STX8: variants seen among roughly 807,000 people sequenced by gnomAD.
STX8 encodes syntaxin-8.
STX8 carries 23 observed loss-of-function variants against 37.5 expected under a neutral mutation model. The observed-to-expected ratio is 0.61, with a 90% confidence interval of 0.44 to 0.87. The LOEUF (loss-of-function observed/expected upper bound fraction) is 0.87. Ranked by LOEUF, STX8 falls within the 40% of genes least tolerant of loss-of-function variation. STX8 has a pLI of 0.00. For synonymous variants in STX8, 115 were observed against 99.1 expected (o/e 1.16, Z -0.95); for missense variants, 313 against 284.7 (o/e 1.10, Z -0.71).
At chr17:9,488,817 A>AGTGTGTGTGT (rs773052268) in intron 6 of STX8, among the ~76,000 whole-genome samples, 7 of 88,146 alleles carry the variant, frequency 7.9e-5, no homozygotes, top group East Asian at 4.6e-4. Context: ...AGAGAGAGAG[A>AGTGTGTGTGT]GAGAGTGTGT....
At chr17:9,353,633 C>A (rs1234218591) in intron 7 of STX8, among the ~76,000 whole-genome samples, 1 of 152,144 alleles carries the variant, frequency 6.6e-6, no homozygotes, top group Non-Finnish European at 1.5e-5. Flanking sequence ...CAAAGCAGAT[C>A]CAGAATTACT....
At chr17:9,513,739 C>T (rs1165375036) in intron 4 of STX8, among the ~76,000 whole-genome samples, 1 of 152,156 alleles carries the variant, frequency 6.6e-6, no homozygotes, top group East Asian at 1.9e-4. Context: ...TACTGCAGCA[C>T]TATTCACAGT....
In STX8 at chr17:9,506,418, C is replaced by T. The variant is rs922679055; in HGVS notation, c.324-1256G>A. ...TGGTGCTCACCCGCTCCCCCCCCCC[C>T]CCACCCACCTTTCTTAGGAAAGGAC... On this transcript the variant is annotated intron_variant, in intron 4 of 7. Transcript: ENST00000306357. Among the ~76,000 whole-genome samples the T allele has an allele frequency of 2.5e-4, 25 of 98,492 alleles. 5 individuals are homozygous for T. The highest frequency in any genetic ancestry group is 7.1e-4 in the African/African-American group (19 of 26,834). 64.6% of individuals were successfully genotyped at this position (98,492 alleles called of 152,430 possible). A position where few individuals can be genotyped will look rare whatever the true frequency, so the allele number is the denominator to read the frequency against.
chr17:9,356,636 G>C (rs748885998), intron 7 of STX8, among the ~76,000 whole-genome samples: 1 of 152,178 alleles, frequency 6.6e-6, no homozygotes, highest in Non-Finnish European at 1.5e-5. Flanking sequence ...GAGGGGTGAG[G>C]CTGTTCCTCT....
intron 6 of STX8, among the ~76,000 whole-genome samples, chr17:9,484,661 C>CAAA (rs61165957): frequency 0.023 from 2,991 of 131,508 alleles, 61 homozygotes; most frequent in African/African-American, 0.051. Flanking sequence ...ACTAAAAATA[C>CAAA]AAAAAAAAAA....
At chr17:9,358,163 G>T (rs8073170) in intron 7 of STX8, among the ~76,000 whole-genome samples, 4,475 of 152,152 alleles carry the variant, frequency 0.029, 125 homozygotes, top group African/African-American at 0.076. Context: ...GACAAGCCTA[G>T]GTAAGAAAGC....
At chr17:9,351,660 A>G (rs917107917) in intron 7 of STX8, among the ~76,000 whole-genome samples, 1 of 152,138 alleles carries the variant, frequency 6.6e-6, no homozygotes, top group Non-Finnish European at 1.5e-5. Context: ...CAAAATCAGA[A>G]ACTGTATTTA....
chr17:9,422,884 G>C (rs1284778882), intron 6 of STX8, among the ~76,000 whole-genome samples: 1 of 152,198 alleles, frequency 6.6e-6, no homozygotes, highest in Non-Finnish European at 1.5e-5. Context: ...GTTTAGGGAA[G>C]AAAAATGCTG....
At chr17:9,290,021 A>C (rs1908261326) in intron 7 of STX8, among the ~76,000 whole-genome samples, 1 of 152,202 alleles carries the variant, frequency 6.6e-6, no homozygotes, top group Non-Finnish European at 1.5e-5. Context: ...CAATGAAAGA[A>C]CTAATCATTT....
chr17:9,301,668 A>G (rs1401082820), intron 7 of STX8, among the ~76,000 whole-genome samples: 1 of 140,182 alleles, frequency 7.1e-6, no homozygotes, highest in Non-Finnish European at 1.5e-5. Flanking sequence ...TTTTTTTTGT[A>G]TTTTTAGTAG....
At chr17:9,393,027 A>G (rs780544131) in intron 6 of STX8, among the ~76,000 whole-genome samples, 1 of 152,202 alleles carries the variant, frequency 6.6e-6, no homozygotes, top group Non-Finnish European at 1.5e-5. Context: ...CAAGATAAAC[A>G]CAAAGAAGTC....
chr17:9,421,593 T>C (rs1012803462), intron 6 of STX8, among the ~76,000 whole-genome samples: 1 of 151,202 alleles, frequency 6.6e-6, no homozygotes, highest in African/African-American at 2.5e-5. Context: ...TTTATTGAGG[T>C]GAAATTCAGA....
chr17:9,421,920 G>T (rs1000466350), intron 6 of STX8, among the ~76,000 whole-genome samples: 1 of 152,052 alleles, frequency 6.6e-6, no homozygotes, highest in African/African-American at 2.4e-5. Context: ...TGAAAGCGGA[G>T]CACCTCCCCC....
At chr17:9,558,938 C>T (rs561318401) in intron 2 of STX8, among the ~76,000 whole-genome samples, 4 of 152,034 alleles carry the variant, frequency 2.6e-5, no homozygotes, top group Middle Eastern at 3.4e-3. Flanking sequence ...AGATGAAAGA[C>T]GGAGTATGTA....
intron 6 of STX8, among the ~76,000 whole-genome samples, chr17:9,413,780 A>G (rs1259158849): frequency 2.0e-5 from 3 of 152,174 alleles, no homozygotes; most frequent in Non-Finnish European, 4.4e-5. Flanking sequence ...CTGACTGCCA[A>G]CACAGATGGA....
chr17:9,418,536 A>C (rs541838040), intron 6 of STX8, among the ~76,000 whole-genome samples: 7 of 151,848 alleles, frequency 4.6e-5, no homozygotes, highest in African/African-American at 1.2e-4. Context: ...AAAAAACAAA[A>C]AAAAAAACAA....
At position 9,345,548 on chromosome 17, in the gene STX8, T is replaced by C. The variant is rs980744142; in HGVS notation, c.643+33004A>G. 2.0e-5 allele frequency among the ~76,000 whole-genome samples: 3 copies of C among 152,290 alleles called. No homozygotes were observed. The East Asian group carries it at 5.8e-4, about 29-fold the overall frequency. The stretch of plus-strand genomic sequence containing the variant: ...GCACAATTAAATAATTTCACAGAAG[T>C]AGGGACAAAGATATATTTTTAAAAT... On this transcript the variant is annotated intron_variant, in intron 7 of 7. Transcript: ENST00000306357.
At chr17:9,534,125 G>T (rs1166380712) in intron 4 of STX8, among the ~76,000 whole-genome samples, 1 of 151,966 alleles carries the variant, frequency 6.6e-6, no homozygotes, top group African/African-American at 2.4e-5. Flanking sequence ...AAAGCTATTA[G>T]AGAATTAAGA....
At chr17:9,335,007 TCCTGGTCACCGCTTCGATCTGAGTCACC>T (rs1466998193) in intron 7 of STX8, among the ~76,000 whole-genome samples, 1 of 152,218 alleles carries the variant, frequency 6.6e-6, no homozygotes, top group Admixed American at 6.5e-5. Context: ...CACATCTATT[TCCTGGTCACCGCTTCGATCTGAGTCACC>T]CCTGGTCACC....
Sources: gnomAD v4.1 joint callset for allele counts (sites outside exome capture counted in the v4.1 genomes callset) on GRCh38, gnomAD v4.1.1 for gene constraint, MANE v1.5 for transcripts, NCBI Gene and HGNC (gene_info 2026-07-23, HGNC 2026-07-21) for gene names.